Variants in CTDSPL observed in about 807,000 individuals in gnomAD.
CTDSPL encodes CTD small phosphatase-like protein.
In CTDSPL, 8 loss-of-function variants were observed where a neutral mutation model predicts 30.5. The observed-to-expected ratio is 0.26, with a 90% CI of 0.15 to 0.47. CTDSPL has a LOEUF of 0.47. CTDSPL is among the 20% of genes least tolerant of loss of function. CTDSPL has a pLI of 0.99. For synonymous variants in CTDSPL, 110 were observed against 137.9 expected (o/e 0.80, Z 1.42); for missense variants, 248 against 366.1 (o/e 0.68, Z 2.63).
At chr3:37,949,532 C>G (rs1699084499) in intron 2 of CTDSPL, among the ~76,000 whole-genome samples, 1 of 152,188 alleles carries the variant, frequency 6.6e-6, no homozygotes, top group African/African-American at 2.4e-5. Context: ...GAGTGTCTCT[C>G]TTGTTCTCTC....
chr3:37,974,955 G>C (rs1397392928), intron 6 of CTDSPL, among the ~76,000 whole-genome samples: 1 of 152,206 alleles, frequency 6.6e-6, no homozygotes, highest in Non-Finnish European at 1.5e-5. Flanking sequence ...TGGTGGGGAT[G>C]TTTCAGGCCT....
intron 2 of CTDSPL, among the ~76,000 whole-genome samples, chr3:37,955,573 A>G (rs1262591535): frequency 6.6e-6 from 1 of 152,188 alleles, no homozygotes; most frequent in African/African-American, 2.4e-5. Context: ...CCATTAATCT[A>G]AGCAAACTAA....
At position 37,947,129 on chromosome 3, in the gene CTDSPL, G is replaced by A. The variant is rs747525595; in HGVS notation, c.152G>A (p.Arg51His). The A allele has an allele frequency of 2.0e-5, 32 of 1,613,462 alleles. No individual in the cohort carries two copies. The highest frequency in any genetic ancestry group is 2.4e-5 in the Non-Finnish European group (28 of 1,180,020). The change falls in exon 2 of 8, where the codon CGT becomes CAT. Residue 51 changes from arginine (R) to histidine (H), a missense_variant. By Grantham distance (29) the Arg-to-His change is conservative (BLOSUM62 0). Coordinates refer to ENST00000273179, the MANE Select transcript of CTDSPL (RefSeq NM_001008392.2). The part of the protein sequence containing the change: ...SILSSFFCCF[R>H]DYNVEAPPPS... ...CTTAGCTCCTTCTTCTGCTGCTTCCGTGATTACAATGTGGAGGCCCCTCCA... is the reference window on the plus strand; with the variant it reads ...CTTAGCTCCTTCTTCTGCTGCTTCCATGATTACAATGTGGAGGCCCCTCCA...
intron 1 of CTDSPL, among the ~76,000 whole-genome samples, chr3:37,938,574 G>C (rs1020944649): frequency 8.0e-5 from 12 of 149,986 alleles, no homozygotes; most frequent in African/African-American, 2.9e-4. Context: ...ACATCTGTTG[G>C]GTAGCTCTTT....
chr3:37,887,176 T>G (rs1327910190), intron 1 of CTDSPL, among the ~76,000 whole-genome samples: 1 of 152,198 alleles, frequency 6.6e-6, no homozygotes, highest in African/African-American at 2.4e-5. Context: ...TTTTTCAAAG[T>G]ACTCTTGGGC....
intron 1 of CTDSPL, among the ~76,000 whole-genome samples, chr3:37,909,621 T>G (rs957995738): frequency 6.6e-6 from 1 of 152,252 alleles, no homozygotes; most frequent in Non-Finnish European, 1.5e-5. Flanking sequence ...TGTGGTGATG[T>G]TCCTTTAGTC....
At chr3:37,893,493 A>G (rs1211369455) in intron 1 of CTDSPL, among the ~76,000 whole-genome samples, 1 of 152,218 alleles carries the variant, frequency 6.6e-6, no homozygotes, top group Non-Finnish European at 1.5e-5. Context: ...TTCTAATGCA[A>G]ATATTGACTC....
chr3:37,939,225 G>GAT (rs1559639069), intron 1 of CTDSPL, among the ~76,000 whole-genome samples: 2 of 150,344 alleles, frequency 1.3e-5, no homozygotes, highest in African/African-American at 4.8e-5. Context: ...GCTGCTGGTA[G>GAT]ATTTTCTCTC....
chr3:37,892,385 A>G (rs1419854716), intron 1 of CTDSPL, among the ~76,000 whole-genome samples: 2 of 152,218 alleles, frequency 1.3e-5, no homozygotes, highest in Non-Finnish European at 1.5e-5. Flanking sequence ...ACTACTTACT[A>G]TCAGCCAGGT....
At chr3:37,869,042 A>T (rs985777749) in intron 1 of CTDSPL, among the ~76,000 whole-genome samples, 13 of 151,336 alleles carry the variant, frequency 8.6e-5, no homozygotes, top group African/African-American at 2.9e-4. Context: ...TGAACACAGT[A>T]CGTCTCTCTA....
chr3:37,940,272 G>A (rs1698963207), intron 1 of CTDSPL, among the ~76,000 whole-genome samples: 1 of 150,340 alleles, frequency 6.7e-6, no homozygotes, highest in Non-Finnish European at 1.5e-5. Context: ...TCTGACCCCT[G>A]CCTATGTTGT....
intron 1 of CTDSPL, among the ~76,000 whole-genome samples, chr3:37,931,245 T>G (rs1447068851): frequency 1.3e-5 from 2 of 151,838 alleles, no homozygotes; most frequent in African/African-American, 4.8e-5. Flanking sequence ...ACTCCTGGGC[T>G]CAAGCAATCC....
intron 3 of CTDSPL, among the ~76,000 whole-genome samples, chr3:37,958,425 T>A (rs950830705): frequency 6.6e-6 from 1 of 152,206 alleles, no homozygotes. Context: ...AACCTTTATA[T>A]AAAGTAGTTT....
At position 37,964,691 on chromosome 3, in the gene CTDSPL, A is replaced by G. The variant is rs923942172; in HGVS notation, c.369+19A>G. On this transcript the variant is annotated intron_variant, in intron 4 of 7. Coordinates refer to ENST00000273179, the MANE Select transcript of CTDSPL (RefSeq NM_001008392.2). ...GTTTAAGGTAAATCAACATAAAAAA[A>G]AAATCCATGATCTTTGTGATTTGAT... is the stretch of plus-strand genomic sequence containing the variant. 1 of 1,550,748 alleles carries G rather than the reference A, an allele frequency of 6.4e-7. No individual in the cohort carries two copies. Among genetic ancestry groups the G allele is most frequent in the Non-Finnish European group, 8.9e-7 (1 of 1,125,636 alleles).
chr3:37,864,553 T>TAC (rs1159456970), intron 1 of CTDSPL, among the ~76,000 whole-genome samples: 2 of 152,268 alleles, frequency 1.3e-5, no homozygotes, highest in African/African-American at 4.8e-5. Flanking sequence ...CCTACTCAAT[T>TAC]TAGTTCTTCA....
chr3:37,937,896 A>G (rs1039863479), intron 1 of CTDSPL, among the ~76,000 whole-genome samples: 1 of 150,454 alleles, frequency 6.6e-6, no homozygotes, highest in African/African-American at 2.4e-5. Flanking sequence ...GTCAGTGTTA[A>G]GTCAGTTTTC....
chr3:37,972,947 G>T (rs1048308442), intron 6 of CTDSPL, among the ~76,000 whole-genome samples: 1 of 152,212 alleles, frequency 6.6e-6, no homozygotes, highest in Admixed American at 6.5e-5. Context: ...CTTCTGGACG[G>T]TGCCCTGATG....
At chr3:37,971,637 A>G (rs139723919) in intron 6 of CTDSPL, 138 bp downstream of exon 6, 5 of 726,626 alleles carry the variant, frequency 6.9e-6, no homozygotes, top group Middle Eastern at 6.5e-4. Context: ...CCCAGATGGG[A>G]TGGATGCAGG....
intron 1 of CTDSPL, among the ~76,000 whole-genome samples, chr3:37,916,118 A>C (rs1032057692): frequency 3.9e-5 from 6 of 152,198 alleles, no homozygotes; most frequent in African/African-American, 1.4e-4. Context: ...TCAGCTTCTC[A>C]GACTCTTTCA....
Sources: allele counts gnomAD v4.1 joint callset (sites outside exome capture counted in the v4.1 genomes callset), GRCh38; gene constraint gnomAD v4.1.1; transcripts MANE v1.5; gene names NCBI Gene and HGNC (gene_info 2026-07-23, HGNC 2026-07-21).